ESPN: variants seen among roughly 807,000 people sequenced by gnomAD.
ESPN encodes espin.
ESPN carries 68 observed loss-of-function variants against 77.7 expected under a neutral mutation model. The ratio of observed to expected loss-of-function variants is 0.87; its 90% CI spans 0.72 to 1.07. ESPN has a LOEUF of 1.07. ESPN is among the 50% of genes least tolerant of loss of function. The pLI is 0.00. For missense variants in ESPN, 1,060 were observed against 1,239.0 expected (o/e 0.86, Z 2.17); for synonymous variants, 449 against 567.1 (o/e 0.79, Z 2.96).
intron 2 of ESPN, among the ~76,000 whole-genome samples, chr1:6,430,534 A>G (rs1643204274): frequency 6.6e-6 from 1 of 152,220 alleles, no homozygotes; most frequent in African/African-American, 2.4e-5. Context: ...TCCCAGAAGC[A>G]GAGGACTTGT....
intron 10 of ESPN, among the ~76,000 whole-genome samples, chr1:6,453,280 C>T (rs1344676555): frequency 6.6e-6 from 1 of 152,286 alleles, no homozygotes; most frequent in Non-Finnish European, 1.5e-5. Flanking sequence ...AAGGTGGCTG[C>T]GGACATGTGT....
In ESPN at chr1:6,425,228, G is replaced by T. The variant is rs767745630; in HGVS notation, c.273G>T (p.Ser91=). 25 of 1,563,168 alleles carry T rather than the reference G, an allele frequency of 1.6e-5. No individual in the cohort carries two copies. Among genetic ancestry groups the T allele is most frequent in the Non-Finnish European group, 2.1e-5 (24 of 1,163,184 alleles). ...GHLACLQWLL[S]QGGCRVQDKD... is the part of the protein sequence containing the mutation. ...TCGCCTGCCTGCAGTGGCTGCTGTC[G>T]CAGGGCGGCTGCAGAGTGCAGGTGG... Residue 91 remains serine, a synonymous_variant, in exon 1 of 13, where the codon TCG becomes TCT. Transcript: ENST00000645284.
In ESPN at chr1:6,460,274, T is replaced by G. The variant is rs1476367746; in HGVS notation, c.*128T>G. ...CCCCTCCTGCGCTGGAAACCCTCCC[T>G]GACCCCCACCCTGGCCCCCCGTATC... is the stretch of plus-strand genomic sequence containing the variant. On this transcript the variant is annotated 3_prime_UTR_variant, in exon 13 of 13. Coordinates refer to ENST00000645284, the MANE Select transcript of ESPN (RefSeq NM_031475.3). 5 of 1,213,912 alleles carry G rather than the reference T, an allele frequency of 4.1e-6. No individual in the cohort carries two copies. The highest frequency in any genetic ancestry group is 5.7e-6 in the Non-Finnish European group (5 of 878,106). The allele number at this position is 1,213,912 out of a possible 1,614,324, so 75.2% of individuals were successfully genotyped here. A position where few individuals can be genotyped will look rare whatever the true frequency, so the allele number is the denominator to read the frequency against.
intron 1 of ESPN, among the ~76,000 whole-genome samples, chr1:6,426,724 C>T (rs1484109305): frequency 2.6e-5 from 4 of 152,090 alleles, no homozygotes; most frequent in East Asian, 1.9e-4. Flanking sequence ...AGGAAGGGAG[C>T]GCCTTTCTCA....
Position 6,425,257 on chromosome 1 carries a change from C to G in ESPN, c.294+8C>G. On this transcript the variant is annotated splice_region_variant and intron_variant, in intron 1 of 12. Transcript: ENST00000645284. ...GGCGGCTGCAGAGTGCAGGTGGGTC[C>G]GCGCGGTTCGCCAGGGGCACTGAGG... is the stretch of plus-strand genomic sequence containing the variant. 2 of 1,567,418 alleles carry G rather than the reference C, an allele frequency of 1.3e-6. No individual in the cohort carries two copies. The highest frequency in any genetic ancestry group is 1.7e-6 in the Non-Finnish European group (2 of 1,165,222).
Position 6,425,035 on chromosome 1 carries a change from TG to T in ESPN, c.84del (p.Ser30ArgfsTer91), listed in dbSNP as rs1417435876. ...AGGTCGCTGCACGCCGCAGGCCTCC[TG>T]GGGCCCTCGCTGCGCGACCCGCTGG... Reference protein sequence around the residue: ...VLRSLHAAGLLGPSLRDPLDA... With the variant: ...VLRSLHAAGLXGPSLRDPLDA... On this transcript the variant is annotated frameshift_variant, in exon 1 of 13. Coordinates refer to ENST00000645284, the MANE Select transcript of ESPN (RefSeq NM_031475.3). LOFTEE classifies it high-confidence loss of function. 1 of 1,468,972 alleles carries T rather than the reference TG, an allele frequency of 6.8e-7. No individual in the cohort carries two copies. The highest frequency in any genetic ancestry group is 2.4e-5 in the Admixed American group (1 of 41,094). The allele number at this position is 1,468,972 out of a possible 1,614,324, so 91.0% of individuals were successfully genotyped here.
At chr1:6,457,431 C>T (rs779062172) in intron 12 of ESPN, 59 bp downstream of exon 12, 26 of 1,611,836 alleles carry the variant, frequency 1.6e-5, no homozygotes, top group Middle Eastern at 3.3e-4. Context: ...CGCAGAGGGT[C>T]GTCCCTTCAT....
chr1:6,425,270 A>G, intron 1 of ESPN, 21 bp downstream of exon 1: 4 of 1,564,800 alleles, frequency 2.6e-6, no homozygotes, highest in Non-Finnish European at 3.4e-6. Context: ...GCGGTTCGCC[A>G]GGGGCACTGA....
At chr1:6,441,120 G>A in intron 5 of ESPN, 55 bp downstream of exon 5, 1 of 1,582,502 alleles carries the variant, frequency 6.3e-7, no homozygotes, top group East Asian at 2.3e-5. Flanking sequence ...CTCCACCCCA[G>A]TGGTGGGTGT....
chr1:6,458,364 G>A (rs1644091397), intron 12 of ESPN, among the ~76,000 whole-genome samples: 1 of 147,936 alleles, frequency 6.8e-6, no homozygotes, highest in African/African-American at 2.5e-5. Flanking sequence ...TGTCCAGGCT[G>A]GAGTACAGTG....
rs1178747875 is a variant in ESPN, at chr1:6,451,979, G to A, written c.2208G>A (p.Val736=). The change falls in exon 10 of 13, where the codon GTG becomes GTA. Residue 736 remains valine (V), a synonymous_variant. Transcript: ENST00000645284. This position sits in a 1 kb window ranked among gnomAD's most constrained non-coding sequence, Gnocchi z 4.3. The part of the protein sequence containing the change: ...TTPAPGVQLD[V]EALIPTHDEQ... ...CTGCGCCGGGAGTGCAGCTGGACGTGGAGGCTCTCATCCCCACGCACGATG... is the reference window on the plus strand; with the variant it reads ...CTGCGCCGGGAGTGCAGCTGGACGTAGAGGCTCTCATCCCCACGCACGATG... 3.7e-6 allele frequency: 6 copies of A among 1,609,590 alleles called. No individual in the cohort carries two copies. Among genetic ancestry groups the A allele is most frequent in the Non-Finnish European group, 5.1e-6 (6 of 1,178,128 alleles).
At chr1:6,434,796 A>T (rs1327343396) in intron 2 of ESPN, among the ~76,000 whole-genome samples, 1 of 134,052 alleles carries the variant, frequency 7.5e-6, no homozygotes, top group Non-Finnish European at 1.7e-5. Context: ...TGAAATGAGC[A>T]GTTTGGTAGG....
chr1:6,456,313 G>A (rs1027764626), intron 10 of ESPN: 4 of 387,680 alleles, frequency 1.0e-5, no homozygotes, highest in African/African-American at 8.3e-5. Flanking sequence ...CTGTGGCCTT[G>A]AGCAGCCCGG....
intron 5 of ESPN, among the ~76,000 whole-genome samples, chr1:6,443,930 G>A (rs1248478616): frequency 1.3e-5 from 2 of 152,232 alleles, no homozygotes; most frequent in African/African-American, 4.8e-5. Flanking sequence ...ACCGGGCAGG[G>A]CGAGGGGATG....
chr1:6,446,188 G>T (rs6670679), intron 7 of ESPN, among the ~76,000 whole-genome samples: 9 of 152,300 alleles, frequency 5.9e-5, no homozygotes, highest in East Asian at 3.9e-4. Flanking sequence ...AGACAGCTGT[G>T]CCTCACCAGG....
intron 12 of ESPN, among the ~76,000 whole-genome samples, chr1:6,459,667 G>A (rs1388072641): frequency 6.6e-6 from 1 of 151,946 alleles, no homozygotes. Flanking sequence ...CACAACTCAA[G>A]TCCTGGTCCC....
At chr1:6,461,265 G>T (rs1031150086), downstream of ESPN, 99 of 865,316 alleles carry the variant, frequency 1.1e-4, no homozygotes, top group African/African-American at 1.4e-3. The surrounding 1 kb of genome is among the most constrained non-coding windows in gnomAD (Gnocchi z 6.3). Context: ...GTGCTTCTTC[G>T]CCTTGGCTGG....
In ESPN at chr1:6,451,843, C is replaced by T. The variant is rs745381164; in HGVS notation, c.2072C>T (p.Pro691Leu). 5.6e-6 allele frequency: 9 copies of T among 1,611,306 alleles called. 1 individual carries two copies. Among genetic ancestry groups the T allele is most frequent in the East Asian group, 4.5e-5 (2 of 44,826 alleles). Residue 691 changes from proline to leucine, a missense_variant, in exon 10 of 13, where the codon CCG (proline) becomes CTG (leucine). Physicochemically the swap from Pro to Leu is moderately conservative, Grantham distance 98. Around this residue, in one of 3 missense-constraint regions of ESPN, gnomAD observed 374 missense variants for 381.4 expected, o/e 0.98. Transcript: ENST00000645284. This position sits in a 1 kb window ranked among gnomAD's most constrained non-coding sequence, Gnocchi z 4.3. Reference sequence around the variant, plus strand: ...CGCTTCTCCCTGCAGCCCGATTCGCCGCTGCCTTCTGTGTCACCTGCACTG... The same window carrying T: ...CGCTTCTCCCTGCAGCCCGATTCGCTGCTGCCTTCTGTGTCACCTGCACTG... ...IGQPAFQPDS[P>L]LPSVSPALSP...
intron 2 of ESPN, among the ~76,000 whole-genome samples, chr1:6,436,553 G>A (rs1368083963): frequency 6.6e-6 from 1 of 151,818 alleles, no homozygotes; most frequent in Non-Finnish European, 1.5e-5. Flanking sequence ...CACCCGGGCT[G>A]GAGTACAGTG....
Sources: allele counts gnomAD v4.1 joint callset (sites outside exome capture counted in the v4.1 genomes callset), GRCh38; gene constraint gnomAD v4.1.1; regional missense constraint gnomAD v4.1.1; non-coding constraint Gnocchi (gnomAD v3.1); transcripts MANE v1.5; gene names NCBI Gene and HGNC (gene_info 2026-07-23, HGNC 2026-07-21).